The following CPSF3 variants were observed in gnomAD, a reference collection of about 807,000 sequenced individuals.
CPSF3 encodes the protein cleavage and polyadenylation specificity factor subunit 3.
Under a neutral mutation model 84.1 loss-of-function variants are expected in CPSF3, and 57 were observed. The observed-to-expected ratio is 0.68, with a 90% CI of 0.55 to 0.85. CPSF3 has a LOEUF of 0.85. Ranked by LOEUF, CPSF3 falls within the 40% of genes least tolerant of loss-of-function variation. CPSF3 has a pLI of 0.00. For missense variants in CPSF3, 522 were observed against 838.8 expected (o/e 0.62, Z 4.66); for synonymous variants, 275 against 278.1 (o/e 0.99, Z 0.11).
intron 15 of CPSF3, among the ~76,000 whole-genome samples, chr2:9,463,845 C>T (rs1330351195): frequency 6.6e-6 from 1 of 152,204 alleles, no homozygotes; most frequent in Non-Finnish European, 1.5e-5. Context: ...ATGCCTCTTT[C>T]CTGCTACAGC....
chr2:9,470,834 A>G (rs188073634), intron 16 of CPSF3, among the ~76,000 whole-genome samples: 36 of 152,366 alleles, frequency 2.4e-4, no homozygotes, highest in Admixed American at 1.8e-3. Flanking sequence ...TGCCTGCTGA[A>G]TAGATCATTC....
intron 10 of CPSF3, among the ~76,000 whole-genome samples, chr2:9,446,562 C>T (rs1387003060): frequency 2.3e-5 from 3 of 131,350 alleles, no homozygotes; most frequent in East Asian, 2.1e-4. Context: ...GCCTGGGCGA[C>T]GGAGCGAGAC....
At chr2:9,447,431 A>T (rs1371349965) in intron 10 of CPSF3, among the ~76,000 whole-genome samples, 1 of 151,962 alleles carries the variant, frequency 6.6e-6, no homozygotes, top group Admixed American at 6.6e-5. Flanking sequence ...GTGAGCCATG[A>T]TCACATCACT....
At chr2:9,441,627 G>C (rs1194833207) in intron 8 of CPSF3, 191 bp from the exon 9 acceptor site, 2 of 586,200 alleles carry the variant, frequency 3.4e-6, no homozygotes, top group Admixed American at 6.1e-5. Flanking sequence ...TTTATTACTT[G>C]GTTTTTCTAC....
At chr2:9,423,867 G>A (rs1423158922) in intron 1 of CPSF3, 44 bp downstream of exon 1, 32 of 1,606,226 alleles carry the variant, frequency 2.0e-5, no homozygotes, top group Non-Finnish European at 2.6e-5. Context: ...GGGCTGTGAG[G>A]GGCGCGAGGG....
rs869193869 is a variant in CPSF3, at chr2:9,444,158, A to ATTTT, written c.1242+508_1242+511dup. On this transcript the variant is annotated intron_variant, in intron 10 of 17. Transcript: ENST00000238112. ...ATATATATTATATATATATATATATATTTTTTTTTTTTTTGAGGCGGAGTC... is the reference window on the plus strand; with the variant it reads ...ATATATATTATATATATATATATATATTTTTTTTTTTTTTTTTTGAGGCGGAGTC... Among the ~76,000 whole-genome samples, 485 of 123,142 alleles carry ATTTT rather than the reference A, an allele frequency of 3.9e-3. 4 individuals are homozygous for ATTTT. Among genetic ancestry groups the ATTTT allele is most frequent in the African/African-American group, 0.017 (456 of 26,408 alleles). The allele number at this position is 123,142 out of a possible 152,430, so 80.8% of individuals were successfully genotyped here. A position where few individuals can be genotyped will look rare whatever the true frequency, so the allele number is the denominator to read the frequency against.
chr2:9,457,154 TGTG>T, intron 14 of CPSF3, 127 bp downstream of exon 14: 1 of 392,550 alleles, frequency 2.5e-6, no homozygotes, highest in Non-Finnish European at 4.2e-6. Flanking sequence ...TATATGTGTG[TGTG>T]TGTGTGTGTG....
Position 9,423,663 on chromosome 2 carries a change from G to A in CPSF3, c.-111G>A, listed in dbSNP as rs1232706988. ...CGGGCTCCGGAGTGACGGAAGTTGT[G>A]CTCTTGGTGAATGGGGTTCTTCCTT... On this transcript the variant is annotated 5_prime_UTR_variant, in exon 1 of 18. Transcript: ENST00000238112. 1.2e-5 allele frequency: 17 copies of A among 1,393,138 alleles called. No individual in the cohort carries two copies. In the Admixed American group the frequency reaches 3.8e-4, roughly 31 times the overall value. 86.3% of individuals were successfully genotyped at this position (1,393,138 alleles called of 1,614,324 possible).
chr2:9,466,402 G>GCA (rs1423615797), intron 15 of CPSF3, among the ~76,000 whole-genome samples: 9 of 137,938 alleles, frequency 6.5e-5, no homozygotes, highest in Non-Finnish European at 1.2e-4. Flanking sequence ...GCACACACAC[G>GCA]CACGCGCACA....
chr2:9,455,703 A>T lies in CPSF3; in HGVS notation c.1549A>T (p.Ile517Phe). ...GAGCACGGTGAAGCAGACCCAAGCCATTCCATATACTGGTCCCTTTAATTT... is the reference window on the plus strand; with the variant it reads ...GAGCACGGTGAAGCAGACCCAAGCCTTTCCATATACTGGTCCCTTTAATTT... ...AMSTVKQTQA[I>F]PYTGPFNLLC... The change falls in exon 13 of 18, where the codon ATT becomes TTT. Residue 517 changes from isoleucine (I) to phenylalanine (F), a missense_variant. Physicochemically the swap from Ile to Phe is conservative, Grantham distance 21. Coordinates refer to ENST00000238112, the MANE Select transcript of CPSF3 (RefSeq NM_016207.4). 1 of 1,614,172 alleles carries T rather than the reference A, an allele frequency of 6.2e-7. No homozygotes were observed. The highest frequency in any genetic ancestry group is 8.5e-7 in the Non-Finnish European group (1 of 1,180,012).
At chr2:9,465,306 C>T (rs904431705) in intron 15 of CPSF3, among the ~76,000 whole-genome samples, 3 of 152,052 alleles carry the variant, frequency 2.0e-5, no homozygotes, top group Non-Finnish European at 2.9e-5. Flanking sequence ...TAGCCAGGCA[C>T]GGTAGCACAC....
intron 15 of CPSF3, among the ~76,000 whole-genome samples, chr2:9,466,382 GCACACACGCGCA>G (rs1428908844): frequency 3.5e-4 from 25 of 70,728 alleles, no homozygotes; most frequent in East Asian, 7.3e-4. Flanking sequence ...CCACGCACTC[GCACACACGCGCA>G]CACACACGCA....
intron 17 of CPSF3, among the ~76,000 whole-genome samples, chr2:9,471,961 ACATTACTG>A (rs1682181547): frequency 6.7e-6 from 1 of 149,994 alleles, no homozygotes; most frequent in South Asian, 2.1e-4. Context: ...AGCCAAGATC[ACATTACTG>A]CACTCCAGCC....
At position 9,459,491 on chromosome 2, in the gene CPSF3, C is replaced by G. The variant is rs373668643; in HGVS notation, c.1699-40C>G. On this transcript the variant is annotated intron_variant, in intron 14 of 17. Coordinates refer to ENST00000238112, the MANE Select transcript of CPSF3 (RefSeq NM_016207.4). ...GTTGTAGCCTTTGTGGTTGGTCACC[C>G]TAGGTAGGTCACTTCCTAATTCTGC... 88 of 1,370,588 alleles carry G rather than the reference C, an allele frequency of 6.4e-5. No individual in the cohort carries two copies. In the African/African-American group the frequency reaches 1.2e-3, roughly 19 times the overall value. 84.9% of individuals were successfully genotyped at this position (1,370,588 alleles called of 1,614,324 possible). A position where few individuals can be genotyped will look rare whatever the true frequency, so the allele number is the denominator to read the frequency against.
chr2:9,452,030 T>C (rs779653182), intron 11 of CPSF3, among the ~76,000 whole-genome samples: 4 of 152,166 alleles, frequency 2.6e-5, no homozygotes, highest in Non-Finnish European at 5.9e-5. Flanking sequence ...ATGAAACTTT[T>C]TAAAAATGAA....
intron 17 of CPSF3, among the ~76,000 whole-genome samples, chr2:9,471,873 G>A (rs1168175288): frequency 6.6e-6 from 1 of 151,882 alleles, no homozygotes; most frequent in Non-Finnish European, 1.5e-5. Flanking sequence ...GGGAATGGCG[G>A]CAGCTGCCTG....
rs376289651 is a variant in CPSF3, at chr2:9,473,050, C to G, written c.*33C>G. 4 of 1,450,488 alleles carry G rather than the reference C, an allele frequency of 2.8e-6. No homozygotes were observed. In the East Asian group the frequency reaches 9.1e-5, roughly 33 times the overall value. 89.9% of individuals were successfully genotyped at this position (1,450,488 alleles called of 1,614,324 possible). ...CCTGTATATGAACTTTGAAAAAATACTTGACTCTACTTTTGTTACCTAAAA... is the reference window on the plus strand; with the variant it reads ...CCTGTATATGAACTTTGAAAAAATAGTTGACTCTACTTTTGTTACCTAAAA... On this transcript the variant is annotated 3_prime_UTR_variant, in exon 18 of 18. Coordinates refer to ENST00000238112, the MANE Select transcript of CPSF3 (RefSeq NM_016207.4).
At chr2:9,431,796 C>T (rs1294571329) in intron 4 of CPSF3, among the ~76,000 whole-genome samples, 1 of 152,010 alleles carries the variant, frequency 6.6e-6, no homozygotes, top group Non-Finnish European at 1.5e-5. Flanking sequence ...GGTGATCTGT[C>T]TGTCTTGGCC....
intron 11 of CPSF3, among the ~76,000 whole-genome samples, chr2:9,452,616 G>C (rs1386705409): frequency 2.0e-5 from 3 of 152,196 alleles, no homozygotes; most frequent in Non-Finnish European, 4.4e-5. Flanking sequence ...CCCTACTGCA[G>C]TGCAGCTAGT....
Sources: gnomAD v4.1 joint callset for allele counts (sites outside exome capture counted in the v4.1 genomes callset) on GRCh38, gnomAD v4.1.1 for gene constraint, MANE v1.5 for transcripts, NCBI Gene and HGNC (gene_info 2026-07-23, HGNC 2026-07-21) for gene names.